The following CRTC3 variants were observed in gnomAD, a reference collection of about 807,000 sequenced individuals.
The protein encoded by CRTC3 is CREB-regulated transcription coactivator 3.
A neutral mutation model predicts 74.5 loss-of-function variants in CRTC3; 26 were observed. The observed-to-expected ratio is 0.35, with a 90% confidence interval of 0.26 to 0.48. The LOEUF (loss-of-function observed/expected upper bound fraction) is 0.48, where lower values mean the gene tolerates loss of function less well. CRTC3 is among the 20% of genes least tolerant of loss of function. CRTC3 has a pLI of 0.99. For synonymous variants in CRTC3, 377 were observed against 325.8 expected (o/e 1.16, Z -1.69); for missense variants, 760 against 787.3 (o/e 0.97, Z 0.41).
intron 8 of CRTC3, among the ~76,000 whole-genome samples, chr15:90,619,290 C>T (rs1968576074): frequency 6.6e-6 from 1 of 152,116 alleles, no homozygotes; most frequent in Non-Finnish European, 1.5e-5. Context: ...AACCCCGTCT[C>T]TACTAAAAAT....
Position 90,530,304 on chromosome 15 carries a change from C to A in CRTC3, c.132+101C>A. Reference sequence around the variant, plus strand: ...GGGCCAAGGCGATGGCGGGGCCGGGCGGGGGCCGCGCCCGGGAACCGGCGG... The same window carrying A: ...GGGCCAAGGCGATGGCGGGGCCGGGAGGGGGCCGCGCCCGGGAACCGGCGG... On this transcript the variant is annotated intron_variant, in intron 1 of 14. Coordinates refer to ENST00000268184, the MANE Select transcript of CRTC3 (RefSeq NM_022769.5). The surrounding 1 kb of genome is among the most constrained non-coding windows in gnomAD (Gnocchi z 6.2). The A allele has an allele frequency of 1.4e-6, 1 of 695,784 alleles. No individual in the cohort carries two copies. The allele number at this position is 695,784 out of a possible 1,614,324, so 43.1% of individuals were successfully genotyped here. A position where few individuals can be genotyped will look rare whatever the true frequency, so the allele number is the denominator to read the frequency against.
intron 2 of CRTC3, among the ~76,000 whole-genome samples, chr15:90,540,369 A>G (rs1966783384): frequency 6.6e-6 from 1 of 152,236 alleles, no homozygotes; most frequent in Non-Finnish European, 1.5e-5. Context: ...AGCATATGTA[A>G]TTTAAAATGT....
intron 2 of CRTC3, among the ~76,000 whole-genome samples, chr15:90,564,239 A>G (rs1257196097): frequency 6.6e-6 from 1 of 152,238 alleles, no homozygotes; most frequent in Non-Finnish European, 1.5e-5. Flanking sequence ...TTGAATTACT[A>G]AAACAGAACT....
chr15:90,533,325 G>T (rs1272257033), intron 1 of CRTC3, among the ~76,000 whole-genome samples: 21 of 151,124 alleles, frequency 1.4e-4, no homozygotes, highest in Admixed American at 1.3e-3. Context: ...GGAGGCTGCG[G>T]CAGGAGAATG....
In CRTC3 at chr15:90,607,369, C is replaced by T. The variant is rs750588224; in HGVS notation, c.477-9C>T. 6.3e-7 allele frequency: 1 copy of T among 1,577,226 alleles called. No individual in the cohort carries two copies. The highest frequency in any genetic ancestry group is 8.7e-7 in the Non-Finnish European group (1 of 1,151,384). On this transcript the variant is annotated splice_polypyrimidine_tract_variant and intron_variant, in intron 5 of 14. Coordinates refer to ENST00000268184, the MANE Select transcript of CRTC3 (RefSeq NM_022769.5). ...GATTTTCAGCCAGCCTCTCTCCTCC[C>T]CTCCTTAGGACCAATTCTGATTCTG...
chr15:90,553,542 C>G (rs921732555), intron 2 of CRTC3, among the ~76,000 whole-genome samples: 1 of 152,142 alleles, frequency 6.6e-6, no homozygotes, highest in African/African-American at 2.4e-5. Flanking sequence ...TCATGAATCT[C>G]TAATCATCTG....
At position 90,628,820 on chromosome 15, in the gene CRTC3, C is replaced by T. The variant is rs139414490; in HGVS notation, c.968-414C>T. On this transcript the variant is annotated intron_variant, in intron 10 of 14. Transcript: ENST00000268184. ...TGACTCGCCGTGGAAGGATGTTCTC[C>T]AAAGGTAGCAGGGGATGCAGGCAGT... 2.4e-3 allele frequency among the ~76,000 whole-genome samples: 370 copies of T among 151,774 alleles called. 7 individuals carry two copies. The highest frequency in any genetic ancestry group is 8.5e-3 in the African/African-American group (353 of 41,368).
intron 2 of CRTC3, among the ~76,000 whole-genome samples, chr15:90,568,462 T>C (rs1383374408): frequency 3.3e-5 from 5 of 152,122 alleles, no homozygotes; most frequent in Admixed American, 3.3e-4. Flanking sequence ...GCGATTCTCC[T>C]GCCTCAGCCT....
intron 2 of CRTC3, among the ~76,000 whole-genome samples, chr15:90,571,927 C>T (rs760580134): frequency 4.5e-4 from 69 of 151,932 alleles, no homozygotes; most frequent in Non-Finnish European, 9.4e-4. Context: ...TTTGGGAGGC[C>T]GAGGCAGGTG....
intron 9 of CRTC3, among the ~76,000 whole-genome samples, chr15:90,625,470 G>A (rs1395276280): frequency 6.6e-6 from 1 of 152,184 alleles, no homozygotes; most frequent in East Asian, 1.9e-4. Flanking sequence ...AAATAGCAGT[G>A]CCTCACATTT....
chr15:90,612,652 G>C (rs1968391984), intron 6 of CRTC3, among the ~76,000 whole-genome samples: 2 of 151,818 alleles, frequency 1.3e-5, no homozygotes, highest in African/African-American at 2.4e-5. Context: ...TTTTTAACAG[G>C]ATAGTCACTT....
chr15:90,574,178 A>G (rs567380636), intron 2 of CRTC3, among the ~76,000 whole-genome samples: 6 of 152,296 alleles, frequency 3.9e-5, no homozygotes, highest in African/African-American at 1.4e-4. Context: ...CAGATTTTAA[A>G]AAAATATATA....
At chr15:90,543,227 G>A (rs1214759811) in intron 2 of CRTC3, among the ~76,000 whole-genome samples, 1 of 147,340 alleles carries the variant, frequency 6.8e-6, no homozygotes, top group East Asian at 2.0e-4. Flanking sequence ...CTTGAGTCCA[G>A]AGAGCAGAGA....
chr15:90,542,207 C>T (rs1555445976), intron 2 of CRTC3, among the ~76,000 whole-genome samples: 1 of 147,910 alleles, frequency 6.8e-6, no homozygotes, highest in Non-Finnish European at 1.5e-5. Flanking sequence ...GAGACCGAGT[C>T]TCATTCTGTC....
intron 1 of CRTC3, among the ~76,000 whole-genome samples, chr15:90,534,673 C>T (rs535217779): frequency 4.6e-5 from 7 of 152,288 alleles, no homozygotes; most frequent in South Asian, 2.1e-4. Context: ...GACACTCACC[C>T]GACATTTCTG....
intron 2 of CRTC3, among the ~76,000 whole-genome samples, chr15:90,566,592 A>G (rs146796243): frequency 6.6e-6 from 1 of 151,976 alleles, no homozygotes; most frequent in Non-Finnish European, 1.5e-5. Flanking sequence ...TCCATAACAT[A>G]AAAGTACAGG....
intron 8 of CRTC3, among the ~76,000 whole-genome samples, chr15:90,619,404 C>G (rs866303912): frequency 1.3e-5 from 2 of 152,344 alleles, no homozygotes; most frequent in South Asian, 4.1e-4. Flanking sequence ...TTGCTGTGAG[C>G]TGAGATGTGC....
At chr15:90,556,157 C>G (rs1377171928) in intron 2 of CRTC3, among the ~76,000 whole-genome samples, 9 of 151,826 alleles carry the variant, frequency 5.9e-5, no homozygotes, top group African/African-American at 1.9e-4. Flanking sequence ...ATTTTAATAG[C>G]TAAATAATAT....
chr15:90,603,818 A>T (rs1468592288), intron 4 of CRTC3, among the ~76,000 whole-genome samples: 2 of 152,242 alleles, frequency 1.3e-5, no homozygotes, highest in African/African-American at 2.4e-5. Context: ...AAGATGGGTA[A>T]CAGTGGGTCC....
Sources: allele counts gnomAD v4.1 joint callset (sites outside exome capture counted in the v4.1 genomes callset), GRCh38; gene constraint gnomAD v4.1.1; non-coding constraint Gnocchi (gnomAD v3.1); transcripts MANE v1.5; gene names NCBI Gene and HGNC (gene_info 2026-07-23, HGNC 2026-07-21).